Variants in PKD1L1 observed in about 807,000 individuals in gnomAD.
PKD1L1 encodes polycystin-1-like protein 1.
PKD1L1 carries 236 observed loss-of-function variants against 323.4 expected under a neutral mutation model. That is an observed-to-expected ratio of 0.73 (90% CI 0.66 to 0.81). PKD1L1 has a LOEUF of 0.81. Among genes scored for constraint, PKD1L1 ranks in the 40% least tolerant of loss-of-function variants. The pLI, the probability that PKD1L1 is intolerant of heterozygous loss-of-function variation, is 0.00. For missense variants in PKD1L1, 3,320 were observed against 3,508.0 expected, an observed-to-expected ratio of 0.95 and a Z score of 1.35; for synonymous variants, 1,344 against 1,335.0, an observed-to-expected ratio of 1.01 and a Z score of -0.15.
Position 47,803,295 on chromosome 7 carries a change from C to T in PKD1L1, c.7877G>A (p.Cys2626Tyr). Residue 2626 changes from cysteine to tyrosine, a missense_variant, in exon 53 of 57, where the codon TGC (cysteine) becomes TAC (tyrosine). Physicochemically the swap from Cys to Tyr is radical, Grantham distance 194. Coordinates refer to ENST00000289672, the MANE Select transcript of PKD1L1 (RefSeq NM_138295.5). ...GTTTTGAATGCCAGGAAGATAGACG[C>T]ATTTTAATGTGAAGAGGAATAAGAG... is the stretch of plus-strand genomic sequence containing the variant. ...GILLFLFTLK[C>Y]VYLPGIQNTM... is the part of the protein sequence containing the mutation. The T allele has an allele frequency of 1.2e-6, 2 of 1,614,112 alleles. No homozygotes were observed. Among genetic ancestry groups the T allele is most frequent in the Non-Finnish European group, 1.7e-6 (2 of 1,180,022 alleles).
intron 3 of PKD1L1, among the ~76,000 whole-genome samples, chr7:47,937,253 T>TGGGGG (rs1787886392): frequency 4.1e-4 from 1 of 2,466 alleles, no homozygotes; most frequent in African/African-American, 1.2e-3. Flanking sequence ...CGGGACGGGG[T>TGGGGG]GGGGGTGGGG....
At chr7:47,824,301 T>C (rs1018056599) in intron 45 of PKD1L1, among the ~76,000 whole-genome samples, 3 of 152,236 alleles carry the variant, frequency 2.0e-5, no homozygotes, top group Admixed American at 2.0e-4. Flanking sequence ...CTGCAGAGTT[T>C]TGACTTCCTT....
At chr7:47,936,990 G>T (rs761587503) in intron 3 of PKD1L1, 32 bp from the exon 4 acceptor site, 3 of 1,522,798 alleles carry the variant, frequency 2.0e-6, no homozygotes, top group Admixed American at 3.6e-5. Flanking sequence ...TAATGTGAGA[G>T]AGCTGCTTAT....
chr7:47,931,385 T>C, intron 5 of PKD1L1, 64 bp from the exon 6 acceptor site: 3 of 1,524,722 alleles, frequency 2.0e-6, no homozygotes, highest in Non-Finnish European at 2.7e-6. Context: ...GTAGCTGATG[T>C]CCGCCATGCT....
In PKD1L1 at chr7:47,839,692, G is replaced by A. The variant is rs768617934; in HGVS notation, c.5553-30C>T. On this transcript the variant is annotated intron_variant, in intron 35 of 56. Coordinates refer to ENST00000289672, the MANE Select transcript of PKD1L1 (RefSeq NM_138295.5). This position sits in a 1 kb window ranked among gnomAD's most constrained non-coding sequence, Gnocchi z 4.3. ...AGGCACACACAGCAGCATCTCAGCC[G>A]GGTGGGTGACAGTGTGGTCCTGGCA... 1.6e-5 allele frequency: 25 copies of A among 1,546,906 alleles called. No homozygotes were observed. Among genetic ancestry groups the A allele is most frequent in the Non-Finnish European group, 2.0e-5 (23 of 1,143,668 alleles).
At chr7:47,925,547 C>G (rs1787640902) in intron 7 of PKD1L1, among the ~76,000 whole-genome samples, 1 of 152,084 alleles carries the variant, frequency 6.6e-6, no homozygotes, top group South Asian at 2.1e-4. Context: ...GAATGGACCC[C>G]TCCTTTTGGC....
chr7:47,837,092 A>C lies in PKD1L1; in HGVS notation c.5772T>G (p.Leu1924=), dbSNP rs1223458746. The change falls in exon 37 of 57, where the codon CTT becomes CTG. Residue 1924 remains leucine (L), a splice_region_variant and synonymous_variant. Transcript: ENST00000289672. The stretch of plus-strand genomic sequence containing the variant: ...GGTACTCTGTGAACTTGCAATAGAA[A>C]AGCTGAAACGGAAAGCAGGAGAAGT... The part of the protein sequence containing the change: ...CLQGGLGFRK[L]FYCKFTEYLE... The C allele has an allele frequency of 6.2e-7, 1 of 1,613,934 alleles. No homozygotes were observed. Among genetic ancestry groups the C allele is most frequent in the East Asian group, 2.2e-5 (1 of 44,864 alleles).
chr7:47,955,841 C>T, the PKD1L1 span, among the ~76,000 whole-genome samples: 1 of 152,156 alleles, frequency 6.6e-6, no homozygotes, highest in Non-Finnish European at 1.5e-5. Context: ...CCCAATGGGG[C>T]TAATTTATCT....
intron 19 of PKD1L1, among the ~76,000 whole-genome samples, 185 bp downstream of exon 19, chr7:47,884,413 C>CA (rs1233829088): frequency 6.6e-6 from 1 of 152,020 alleles, no homozygotes; most frequent in African/African-American, 2.4e-5. Context: ...GAGAGAAGGG[C>CA]AGAAAGAGGG....
At chr7:47,928,702 G>A (rs534038062) in intron 7 of PKD1L1, among the ~76,000 whole-genome samples, 3 of 152,178 alleles carry the variant, frequency 2.0e-5, no homozygotes, top group African/African-American at 7.2e-5. Context: ...GTAGTTGTCT[G>A]AGTAGAATGG....
rs778676303 is a variant in PKD1L1, at chr7:47,905,179, T to C, written c.1669A>G (p.Lys557Glu). ...PVRTTSRSIK[K>E]RLSIPQWYRV... ...GACCATTGGGGGATGCTGAGTCTTT[T>C]TTTAATGCTTCTTGAAGTTGTCCTC... The change falls in exon 11 of 57, where the codon AAA becomes GAA. Residue 557 changes from lysine to glutamate, a missense_variant. Physicochemically the swap from Lys to Glu is moderately conservative, Grantham distance 56. Transcript: ENST00000289672. 3.1e-6 allele frequency: 5 copies of C among 1,613,982 alleles called. No homozygotes were observed. The highest frequency in any genetic ancestry group is 4.2e-6 in the Non-Finnish European group (5 of 1,179,996).
Position 47,902,440 on chromosome 7 carries a change from A to T in PKD1L1, c.2003T>A (p.Phe668Tyr). 1 of 1,614,170 alleles carries T rather than the reference A, an allele frequency of 6.2e-7. No homozygotes were observed. The change falls in exon 13 of 57, where the codon TTC becomes TAC. Residue 668 changes from phenylalanine (F) to tyrosine (Y), a missense_variant. Coordinates refer to ENST00000289672, the MANE Select transcript of PKD1L1 (RefSeq NM_138295.5). The stretch of plus-strand genomic sequence containing the variant: ...TGGCTGGCAGGGCTCGCACACGATG[A>T]AAAGTTGCTGTCTTAGAGTGGAGGC... The part of the protein sequence containing the change: ...VSASTLRQQL[F>Y]IVCEPCQPPL...
chr7:47,958,373 A>G, the PKD1L1 span, among the ~76,000 whole-genome samples: 2 of 152,234 alleles, frequency 1.3e-5, no homozygotes, highest in African/African-American at 4.8e-5. Flanking sequence ...GATGCTGGGA[A>G]AACTGAAAAT....
At chr7:47,885,127 C>T (rs1786653961) in intron 18 of PKD1L1, among the ~76,000 whole-genome samples, 8 of 152,170 alleles carry the variant, frequency 5.3e-5, no homozygotes. Flanking sequence ...GAGCTCACAG[C>T]GGTCCCTCCA....
At chr7:47,881,258 A>G (rs9690002) in intron 20 of PKD1L1, among the ~76,000 whole-genome samples, 64,804 of 151,914 alleles carry the variant, frequency 0.43, 14,951 homozygotes, top group African/African-American at 0.6. Flanking sequence ...TCCTTAGCAG[A>G]GAGAGGCTGA....
chr7:47,890,283 T>C (rs1368657052), intron 16 of PKD1L1, among the ~76,000 whole-genome samples: 1 of 151,976 alleles, frequency 6.6e-6, no homozygotes, highest in African/African-American at 2.4e-5. Context: ...CCCGATGAGG[T>C]TCCACTTGGA....
At chr7:47,932,770 T>C (rs575993800) in intron 4 of PKD1L1, among the ~76,000 whole-genome samples, 1 of 152,314 alleles carries the variant, frequency 6.6e-6, no homozygotes, top group South Asian at 2.1e-4. Context: ...GAGGTGAGTG[T>C]CTCTGTCTCA....
At chr7:47,907,942 A>G in intron 9 of PKD1L1, 135 bp downstream of exon 9, 1 of 840,514 alleles carries the variant, frequency 1.2e-6, no homozygotes, top group Non-Finnish European at 1.8e-6. Flanking sequence ...TATTTTCTGA[A>G]TTAGGGAAGA....
chr7:47,943,427 G>C lies in PKD1L1; in HGVS notation c.129C>G (p.Ser43Arg). The C allele has an allele frequency of 6.2e-7, 1 of 1,613,608 alleles. No individual in the cohort carries two copies. The highest frequency in any genetic ancestry group is 8.5e-7 in the Non-Finnish European group (1 of 1,179,688). Residue 43 changes from serine to arginine, a missense_variant, in exon 2 of 57, where the codon AGC (serine) becomes AGG (arginine). Ser to Arg is a moderately radical substitution (Grantham distance 110). Transcript: ENST00000289672. The part of the protein sequence containing the change: ...TDKSWGLHLC[S>R]CSPPGGGLWV... Reference sequence around the variant, plus strand: ...ACAATCCACCTCCAGGAGGGCTACAGCTGCACAGATGAAGACCCCAGCTCT... The same window carrying C: ...ACAATCCACCTCCAGGAGGGCTACACCTGCACAGATGAAGACCCCAGCTCT...
Sources: gnomAD v4.1 joint callset for allele counts (sites outside exome capture counted in the v4.1 genomes callset) on GRCh38, gnomAD v4.1.1 for gene constraint, Gnocchi (gnomAD v3.1) non-coding constraint, MANE v1.5 for transcripts, NCBI Gene and HGNC (gene_info 2026-07-23, HGNC 2026-07-21) for gene names.